The following MPRIP variants were observed in gnomAD, a reference collection of about 807,000 sequenced individuals.
The protein encoded by MPRIP is myosin phosphatase Rho interacting protein.
Under a neutral mutation model 234.9 loss-of-function variants are expected in MPRIP, and 59 were observed. That is an observed-to-expected ratio of 0.25 (90% CI 0.20 to 0.31). The LOEUF (loss-of-function observed/expected upper bound fraction) is 0.31. Ranked by LOEUF, MPRIP falls within the 10% of genes least tolerant of loss-of-function variation. The pLI is 1.00. For synonymous variants in MPRIP, 1,144 were observed against 1,263.9 expected, an observed-to-expected ratio of 0.91 and a Z score of 2.01; for missense variants, 2,436 against 3,071.0, an observed-to-expected ratio of 0.79 and a Z score of 4.89.
At chr17:17,156,329 C>T (rs950362272) in intron 13 of MPRIP, among the ~76,000 whole-genome samples, 1 of 152,232 alleles carries the variant, frequency 6.6e-6, no homozygotes, top group African/African-American at 2.4e-5. Flanking sequence ...TGAAAGTTGA[C>T]CTGGCAGTTG....
chr17:17,108,956 G>A (rs2090116155), intron 3 of MPRIP, among the ~76,000 whole-genome samples: 2 of 152,202 alleles, frequency 1.3e-5, no homozygotes, highest in Admixed American at 1.3e-4. Context: ...CTGTATGCTA[G>A]CACTGCCTCT....
chr17:17,177,215 A>C, intron 21 of MPRIP, 35 bp from the exon 22 acceptor site: 1 of 1,597,898 alleles, frequency 6.3e-7, no homozygotes, highest in Non-Finnish European at 8.6e-7. Flanking sequence ...TCTTTCCTGG[A>C]TGTAACTACC....
At chr17:17,080,690 G>T (rs916633673) in intron 3 of MPRIP, among the ~76,000 whole-genome samples, 8 of 152,234 alleles carry the variant, frequency 5.3e-5, no homozygotes, top group African/African-American at 1.9e-4. Context: ...AGCCCAAAAT[G>T]TCAACAGTGC....
chr17:17,109,044 C>A (rs2090118225), intron 3 of MPRIP, among the ~76,000 whole-genome samples: 1 of 152,224 alleles, frequency 6.6e-6, no homozygotes, highest in African/African-American at 2.4e-5. Context: ...GGCCCTTAGC[C>A]CCCTTCTCTC....
intron 6 of MPRIP, among the ~76,000 whole-genome samples, chr17:17,137,285 A>C (rs2090721119): frequency 6.6e-6 from 1 of 152,182 alleles, no homozygotes; most frequent in Non-Finnish European, 1.5e-5. Flanking sequence ...AGGCTGAGGC[A>C]GGTGGAACAC....
In MPRIP at chr17:17,147,310, C is replaced by A. The variant is rs781532800; in HGVS notation, c.1561-9C>A. ...GTAGTCGAGTCATTTTTCTTTTCTT[C>A]CCCTTTAGTGGAAGAAACACTGGTT... On this transcript the variant is annotated splice_polypyrimidine_tract_variant and intron_variant, in intron 10 of 23. Coordinates refer to ENST00000651222, the MANE Select transcript of MPRIP (RefSeq NM_001364716.4). 1 of 1,613,862 alleles carries A rather than the reference C, an allele frequency of 6.2e-7. No homozygotes were observed. Among genetic ancestry groups the A allele is most frequent in the Non-Finnish European group, 8.5e-7 (1 of 1,179,822 alleles).
intron 1 of MPRIP, among the ~76,000 whole-genome samples, chr17:17,066,111 C>A (rs954578438): frequency 1.3e-5 from 2 of 152,162 alleles, no homozygotes; most frequent in African/African-American, 2.4e-5. Flanking sequence ...CAGTTTTGAT[C>A]TATATGCCTT....
intron 1 of MPRIP, among the ~76,000 whole-genome samples, chr17:17,053,218 G>A (rs1013865909): frequency 6.6e-6 from 1 of 152,128 alleles, no homozygotes; most frequent in Non-Finnish European, 1.5e-5. Flanking sequence ...AAGGGAATTG[G>A]AATGGTGGCG....
rs1405031592 is a variant in MPRIP, at chr17:17,043,007, T to C, written c.123+36T>C. 3.1e-6 allele frequency: 5 copies of C among 1,595,664 alleles called. No individual in the cohort carries two copies. In the East Asian group the frequency reaches 1.1e-4, roughly 36 times the overall value. On this transcript the variant is annotated intron_variant, in intron 1 of 23. Coordinates refer to ENST00000651222, the MANE Select transcript of MPRIP (RefSeq NM_001364716.4). The stretch of plus-strand genomic sequence containing the variant: ...GGGGCCGGCCCGGACACCTCCGTTC[T>C]GGGAGCCGCGGGTCGGCGGCCGGGG...
chr17:17,176,313 G>A, intron 20 of MPRIP, 113 bp from the exon 21 acceptor site: 1 of 781,736 alleles, frequency 1.3e-6, no homozygotes, highest in Non-Finnish European at 2.3e-6. Context: ...GCACCACGAG[G>A]CTGCCCTGCT....
rs1448028080 is a variant in MPRIP, at chr17:17,190,221, G to A, written c.*5327G>A. ...AAACTCAGTAGATTTTTCATCCAGT[G>A]AACGGTCATCTTCACATCGAAAGGT... On this transcript the variant is annotated 3_prime_UTR_variant, in exon 24 of 24. Transcript: ENST00000651222. 6.6e-6 allele frequency: 1 copy of A among 152,202 alleles called. No individual in the cohort carries two copies. The highest frequency in any genetic ancestry group is 2.4e-5 in the African/African-American group (1 of 41,436). The allele number at this position is 152,202 out of a possible 1,614,324, so 9.4% of individuals were successfully genotyped here.
At chr17:17,180,335 A>G (rs148926591) in intron 23 of MPRIP, among the ~76,000 whole-genome samples, 3,607 of 152,332 alleles carry the variant, frequency 0.024, 114 homozygotes, top group Middle Eastern at 0.085. Context: ...TGGCATGATC[A>G]GCTCCTGCCT....
At chr17:17,096,412 A>G (rs142706777) in intron 3 of MPRIP, among the ~76,000 whole-genome samples, 2,140 of 152,130 alleles carry the variant, frequency 0.014, 35 homozygotes, top group Non-Finnish European at 0.021. Context: ...TGTACCATCT[A>G]TAATTTGCTC....
intron 17 of MPRIP, 28 bp downstream of exon 17, chr17:17,171,893 A>C (rs879208953): frequency 1.3e-6 from 2 of 1,590,372 alleles, no homozygotes; most frequent in Non-Finnish European, 1.7e-6. Flanking sequence ...CCCTGAGGGC[A>C]GGGTGGGTGG....
At chr17:17,110,938 C>T (rs1414249780) in intron 3 of MPRIP, among the ~76,000 whole-genome samples, 4 of 152,012 alleles carry the variant, frequency 2.6e-5, no homozygotes, top group Admixed American at 6.6e-5. Context: ...AAGCTGAGGC[C>T]ACCTGAATCA....
intron 15 of MPRIP, among the ~76,000 whole-genome samples, chr17:17,162,315 G>A (rs1286573147): frequency 2.0e-5 from 3 of 152,186 alleles, no homozygotes; most frequent in African/African-American, 7.2e-5. Flanking sequence ...CTTAGACCCC[G>A]AGTCTCTGTC....
chr17:17,140,942 C>T (rs1406480268), intron 7 of MPRIP, among the ~76,000 whole-genome samples: 1 of 152,156 alleles, frequency 6.6e-6, no homozygotes, highest in Non-Finnish European at 1.5e-5. Context: ...TGCTGTCCCA[C>T]CTGCAGCTTC....
chr17:17,083,960 C>A (rs2089526480), intron 3 of MPRIP, among the ~76,000 whole-genome samples: 1 of 152,162 alleles, frequency 6.6e-6, no homozygotes, highest in African/African-American at 2.4e-5. Context: ...CCAGGATGGT[C>A]TCGATCTCCT....
At chr17:17,119,704 C>G (rs567617460) in intron 3 of MPRIP, among the ~76,000 whole-genome samples, 20 of 152,352 alleles carry the variant, frequency 1.3e-4, no homozygotes, top group Admixed American at 1.3e-3. Context: ...CTAGAACGTG[C>G]CGAGCTGCCT....
Sources: allele counts gnomAD v4.1 joint callset (sites outside exome capture counted in the v4.1 genomes callset), GRCh38; gene constraint gnomAD v4.1.1; transcripts MANE v1.5; gene names NCBI Gene and HGNC (gene_info 2026-07-23, HGNC 2026-07-21).